Variants in SPAG9 observed in about 807,000 individuals in gnomAD.
The protein encoded by SPAG9 is sperm associated antigen 9.
Under a neutral mutation model 166.5 loss-of-function variants are expected in SPAG9, and 35 were observed. The ratio of observed to expected loss-of-function variants is 0.21; its 90% CI spans 0.16 to 0.28. The LOEUF (loss-of-function observed/expected upper bound fraction) is 0.28. Among genes scored for constraint, SPAG9 ranks in the 10% least tolerant of loss-of-function variants. The pLI, the probability that SPAG9 is intolerant of heterozygous loss-of-function variation, is 1.00. For missense variants in SPAG9, 1,235 were observed against 1,603.3 expected (o/e 0.77, Z 3.92); for synonymous variants, 534 against 565.5 (o/e 0.94, Z 0.79).
chr17:50,995,468 C>T lies in SPAG9; in HGVS notation c.2034G>A (p.Leu678=), dbSNP rs2044635443. 1 of 1,609,158 alleles carries T rather than the reference C, an allele frequency of 6.2e-7. No homozygotes were observed. Among genetic ancestry groups the T allele is most frequent in the Admixed American group, 1.7e-5 (1 of 59,940 alleles). ...NLPVPVYLRP[L]DEKDTSMKLW... is the part of the protein sequence containing the mutation. ...CCTTCATTGATGTATCTTTTTCATC[C>T]AGAGGTCTGAGATAGACAGGCACAG... Residue 678 remains leucine, a synonymous_variant, in exon 17 of 30, where the codon CTG becomes CTA. Transcript: ENST00000262013.
intron 6 of SPAG9, among the ~76,000 whole-genome samples, chr17:51,027,984 T>C (rs537532349): frequency 6.6e-6 from 1 of 152,030 alleles, no homozygotes; most frequent in South Asian, 2.1e-4. Context: ...TGGAAGATAC[T>C]GACATTGATG....
intron 26 of SPAG9, among the ~76,000 whole-genome samples, chr17:50,979,329 G>A (rs1462755310): frequency 6.8e-6 from 1 of 147,016 alleles, no homozygotes; most frequent in African/African-American, 2.5e-5. Flanking sequence ...CCGTGATGGT[G>A]CCACTGCACT....
At chr17:51,086,819 G>A (rs1390650821) in intron 1 of SPAG9, among the ~76,000 whole-genome samples, 2 of 152,212 alleles carry the variant, frequency 1.3e-5, no homozygotes, top group African/African-American at 4.8e-5. Flanking sequence ...CTACTTGGGA[G>A]GCTGAGGTAG....
intron 9 of SPAG9, among the ~76,000 whole-genome samples, chr17:51,012,081 T>C (rs1199925134): frequency 2.0e-5 from 3 of 152,180 alleles, no homozygotes; most frequent in African/African-American, 7.2e-5. Flanking sequence ...GGGTGATGTA[T>C]ATTGATTCTG....
At position 50,989,694 on chromosome 17, in the gene SPAG9, G is replaced by T. The variant is rs372920653; in HGVS notation, c.2796C>A (p.Ser932=). 113 of 1,613,954 alleles carry T rather than the reference G, an allele frequency of 7.0e-5. No individual in the cohort carries two copies. Among genetic ancestry groups the T allele is most frequent in the Non-Finnish European group, 8.7e-5 (103 of 1,179,988 alleles). The part of the protein sequence containing the change: ...PLGVQIPEDL[S]PVYQSSNDSD... ...TATTATACCTCGACTGATACACTGGGGAGAGGTCTTCTGGGATCTGAACTC... is the reference window on the plus strand; with the variant it reads ...TATTATACCTCGACTGATACACTGGTGAGAGGTCTTCTGGGATCTGAACTC... Residue 932 remains serine, a synonymous_variant, in exon 21 of 30, where the codon TCC becomes TCA. Transcript: ENST00000262013.
chr17:51,101,023 G>A (rs2048793111), intron 1 of SPAG9, among the ~76,000 whole-genome samples: 1 of 152,010 alleles, frequency 6.6e-6, no homozygotes, highest in African/African-American at 2.4e-5. Flanking sequence ...TATTTTCACA[G>A]AGAAACCATA....
At chr17:51,025,397 T>C (rs1272711114) in intron 6 of SPAG9, among the ~76,000 whole-genome samples, 1 of 147,928 alleles carries the variant, frequency 6.8e-6, no homozygotes, top group African/African-American at 2.5e-5. Flanking sequence ...TATAAAAGTA[T>C]CTGATAGAAA....
In SPAG9 at chr17:51,007,277, C is replaced by T; in HGVS notation, c.1263G>A (p.Leu421=). ...ATTTCACATATACTTACTTGGTTTC[C>T]AACAGTTGTGTATTTTCTAATATAA... ...ENLILENTQL[L]ETKNALNIVK... is the part of the protein sequence containing the mutation. Residue 421 remains leucine, a synonymous_variant, in exon 10 of 30, where the codon TTG becomes TTA. Transcript: ENST00000262013. 1 of 1,571,288 alleles carries T rather than the reference C, an allele frequency of 6.4e-7. No individual in the cohort carries two copies. The highest frequency in any genetic ancestry group is 2.3e-5 in the East Asian group (1 of 43,764).
chr17:51,086,492 A>T (rs1382092099), intron 1 of SPAG9, among the ~76,000 whole-genome samples: 4 of 151,320 alleles, frequency 2.6e-5, no homozygotes, highest in African/African-American at 4.9e-5. Flanking sequence ...AACACGATAA[A>T]AAAAAAAAAA....
intron 1 of SPAG9, among the ~76,000 whole-genome samples, chr17:51,093,059 G>T: frequency 7.3e-6 from 1 of 137,322 alleles, no homozygotes; most frequent in African/African-American, 2.7e-5. Flanking sequence ...TCAATGTTTA[G>T]ATATTTCTGT....
At chr17:51,072,112 C>T (rs62062976) in intron 2 of SPAG9, among the ~76,000 whole-genome samples, 16,966 of 152,080 alleles carry the variant, frequency 0.11, 1,201 homozygotes, top group Non-Finnish European at 0.16. Flanking sequence ...TGCTTTATTG[C>T]CCAGGCTGGA....
chr17:51,012,146 C>T (rs1024331724), intron 9 of SPAG9, among the ~76,000 whole-genome samples: 2 of 152,150 alleles, frequency 1.3e-5, no homozygotes, highest in Non-Finnish European at 2.9e-5. Context: ...ATTTTTTCAT[C>T]TGCTCCTCAA....
At chr17:51,036,450 C>T (rs919192109) in intron 5 of SPAG9, among the ~76,000 whole-genome samples, 10 of 152,136 alleles carry the variant, frequency 6.6e-5, no homozygotes, top group Admixed American at 4.6e-4. Flanking sequence ...CGACTTTCAG[C>T]GCTCAAGTCT....
intron 1 of SPAG9, among the ~76,000 whole-genome samples, chr17:51,107,438 C>T (rs151249580): frequency 2.6e-5 from 4 of 151,568 alleles, no homozygotes; most frequent in Non-Finnish European, 5.9e-5. Flanking sequence ...AGAGAAAACA[C>T]ACTTTAAAGG....
intron 29 of SPAG9, among the ~76,000 whole-genome samples, chr17:50,967,218 G>A (rs1473858920): frequency 1.3e-5 from 2 of 152,134 alleles, no homozygotes; most frequent in East Asian, 3.9e-4. Context: ...GGGTTATTTT[G>A]GCACAACCCA....
chr17:51,086,329 G>A (rs2048306261), intron 1 of SPAG9, among the ~76,000 whole-genome samples: 1 of 151,720 alleles, frequency 6.6e-6, no homozygotes, highest in South Asian at 2.1e-4. Context: ...GAAACGTACA[G>A]CTGCCATCCT....
intron 5 of SPAG9, among the ~76,000 whole-genome samples, chr17:51,035,412 T>G (rs1268946894): frequency 6.6e-6 from 1 of 152,206 alleles, no homozygotes; most frequent in Admixed American, 6.5e-5. Context: ...AACTGCGAAC[T>G]TTAACTTTTT....
intron 8 of SPAG9, among the ~76,000 whole-genome samples, chr17:51,017,970 T>C (rs991708335): frequency 2.6e-4 from 40 of 152,166 alleles, no homozygotes; most frequent in African/African-American, 5.8e-4. Context: ...ATTTTTATAG[T>C]CATTAATTAA....
chr17:51,011,034 G>C (rs906385554), intron 9 of SPAG9, among the ~76,000 whole-genome samples: 1 of 152,104 alleles, frequency 6.6e-6, no homozygotes, highest in Non-Finnish European at 1.5e-5. Flanking sequence ...GGTAAGAGTC[G>C]AGACAGGAAA....
Sources: allele counts gnomAD v4.1 joint callset (sites outside exome capture counted in the v4.1 genomes callset), GRCh38; gene constraint gnomAD v4.1.1; transcripts MANE v1.5; gene names NCBI Gene and HGNC (gene_info 2026-07-23, HGNC 2026-07-21).